RTN4: variants seen among roughly 807,000 people sequenced by gnomAD.
RTN4 encodes the protein reticulon-4.
Under a neutral mutation model 90.4 loss-of-function variants are expected in RTN4, and 32 were observed. That is an observed-to-expected ratio of 0.35 (90% CI 0.27 to 0.48). The LOEUF (loss-of-function observed/expected upper bound fraction) is 0.48, where lower values mean the gene tolerates loss of function less well. RTN4 is among the 20% of genes least tolerant of loss of function. RTN4 has a pLI of 0.99. For synonymous variants in RTN4, 629 were observed against 552.5 expected (o/e 1.14, Z -1.94); for missense variants, 1,706 against 1,430.2 (o/e 1.19, Z -3.11).
chr2:55,101,053 G>A (rs760671748), intron 1 of RTN4, among the ~76,000 whole-genome samples: 8 of 151,960 alleles, frequency 5.3e-5, no homozygotes, highest in Non-Finnish European at 1.2e-4. Context: ...ATTATAAAAT[G>A]TATTTTGAAA....
chr2:54,992,460 T>G (rs1005445198), intron 3 of RTN4, among the ~76,000 whole-genome samples: 1 of 152,162 alleles, frequency 6.6e-6, no homozygotes, highest in Non-Finnish European at 1.5e-5. Context: ...ATTAACAAGA[T>G]AGTTTAATCA....
chr2:55,124,391 A>G, the RTN4 span, among the ~76,000 whole-genome samples: 1 of 152,276 alleles, frequency 6.6e-6, no homozygotes, highest in Non-Finnish European at 1.5e-5. Context: ...CAGGCATGTA[A>G]GGCTAAATCA....
rs1251333715 is a variant in RTN4, at chr2:55,049,956, C to G, written c.345G>C (p.Ser115=). 3 of 1,362,560 alleles carry G rather than the reference C, an allele frequency of 2.2e-6. No homozygotes were observed. Among genetic ancestry groups the G allele is most frequent in the Non-Finnish European group, 2.8e-6 (3 of 1,065,050 alleles). The allele number at this position is 1,362,560 out of a possible 1,614,324, so 84.4% of individuals were successfully genotyped here. A position where few individuals can be genotyped will look rare whatever the true frequency, so the allele number is the denominator to read the frequency against. ...ACAGCGGGGATGGCGCGGGCACGGTCGACGACACCGGGCTCGGGTCCCAAG... is the reference window on the plus strand; with the variant it reads ...ACAGCGGGGATGGCGCGGGCACGGTGGACGACACCGGGCTCGGGTCCCAAG... The part of the protein sequence containing the change: ...QPSWDPSPVS[S]TVPAPSPLSA... Residue 115 remains serine, a synonymous_variant, in exon 1 of 9, where the codon TCG becomes TCC. Transcript: ENST00000337526.
chr2:55,021,771 A>T (rs1218182426), intron 3 of RTN4, among the ~76,000 whole-genome samples: 1 of 152,212 alleles, frequency 6.6e-6, no homozygotes, highest in African/African-American at 2.4e-5. Flanking sequence ...GGTATAGCCA[A>T]GACTAAAACC....
chr2:55,010,376 T>A lies in RTN4; in HGVS notation c.3013+14710A>T. On this transcript the variant is annotated intron_variant, in intron 3 of 8. Transcript: ENST00000337526. ...TAATGCTTTCCTTCTATCTGTTGAT[T>A]GTTTTAGGCATTTGCCTTGTTGCTC... 3 of 1,295,946 alleles carry A rather than the reference T, an allele frequency of 2.3e-6. No homozygotes were observed. The South Asian group carries it at 7.5e-5, about 32-fold the overall frequency. The allele number at this position is 1,295,946 out of a possible 1,614,324, so 80.3% of individuals were successfully genotyped here.
Position 55,025,418 on chromosome 2 carries a change from A to C in RTN4, c.2681T>G (p.Val894Gly), listed in dbSNP as rs1558819038. The change falls in exon 3 of 9, where the codon GTA (valine) becomes GGA (glycine). Residue 894 changes from valine to glycine, a missense_variant. By Grantham distance (109) the Val-to-Gly change is moderately radical. Coordinates refer to ENST00000337526, the MANE Select transcript of RTN4 (RefSeq NM_020532.5). ...KLAREYTDLEVSHKSEIANAP... is the reference protein window; with the variant it reads ...KLAREYTDLEGSHKSEIANAP... ...ATTAGCAATTTCACTTTTGTGGGAT[A>C]CTTCTAGGTCAGTATATTCCCTGGC... The C allele has an allele frequency of 7.4e-6, 12 of 1,613,930 alleles. No homozygotes were observed. The Middle Eastern group carries it at 8.3e-4, about 111-fold the overall frequency.
rs960119167 is a variant in RTN4 at position 55,039,382 on chromosome 2, G to A, written c.556+10363C>T. ...GGGAGAACTCATCGATAGATTAAAA[G>A]ACTAATAAATCAAATTGATCTATTG... On this transcript the variant is annotated intron_variant, in intron 1 of 8. Transcript: ENST00000337526. Among the ~76,000 whole-genome samples, 6 of 152,160 alleles carry A rather than the reference G, an allele frequency of 3.9e-5. No individual in the cohort carries two copies. In the East Asian group the frequency reaches 5.8e-4, roughly 15 times the overall value.
chr2:54,993,949 T>G (rs1232440992), intron 3 of RTN4, among the ~76,000 whole-genome samples: 3 of 152,234 alleles, frequency 2.0e-5, no homozygotes, highest in African/African-American at 4.8e-5. Context: ...TTAGTGAAGC[T>G]GCAAGAATGA....
chr2:55,084,319 T>C (rs1164079584), intron 1 of RTN4, among the ~76,000 whole-genome samples: 1 of 140,604 alleles, frequency 7.1e-6, no homozygotes, highest in Non-Finnish European at 1.6e-5. Context: ...TTTTTTTTTT[T>C]AAATAGAGGT....
At position 54,973,656 on chromosome 2, in the gene RTN4, C is replaced by G. The variant is rs200498783; in HGVS notation, c.3478-35G>C. 4.4e-5 allele frequency: 69 copies of G among 1,565,612 alleles called. No homozygotes were observed. The Middle Eastern group carries it at 1.5e-3, about 34-fold the overall frequency. On this transcript the variant is annotated intron_variant, in intron 7 of 8. Coordinates refer to ENST00000337526, the MANE Select transcript of RTN4 (RefSeq NM_020532.5). The stretch of plus-strand genomic sequence containing the variant: ...AGGTATAAAGGAATTATTACCGTTG[C>G]TAAAGAATCTTATTAACCACTACTA...
chr2:55,069,116 G>A (rs1573495856), intron 2 of RTN4, among the ~76,000 whole-genome samples: 1 of 152,216 alleles, frequency 6.6e-6, no homozygotes, highest in South Asian at 2.1e-4. Context: ...ACTTTCTGAA[G>A]AAATCTCAGG....
At chr2:55,056,650 A>T (rs911358869) in intron 2 of RTN4, 2 of 151,992 alleles carry the variant, frequency 1.3e-5, no homozygotes, top group East Asian at 3.9e-4. Flanking sequence ...AAAAAAAGTC[A>T]GGTAGAAGTG....
intron 3 of RTN4, among the ~76,000 whole-genome samples, chr2:55,013,417 G>C (rs540124520): frequency 2.6e-5 from 4 of 152,156 alleles, no homozygotes; most frequent in Admixed American, 2.0e-4. Context: ...CTTATGAAGG[G>C]ATAAGCTCTA....
intron 4 of RTN4, among the ~76,000 whole-genome samples, chr2:54,986,132 T>C (rs1285169577): frequency 6.6e-6 from 1 of 152,074 alleles, no homozygotes; most frequent in African/African-American, 2.4e-5. Flanking sequence ...AAGGGGTAAA[T>C]GAGAGACAAG....
intron 2 of RTN4, among the ~76,000 whole-genome samples, chr2:55,065,768 G>A (rs1165790589): frequency 6.6e-6 from 1 of 151,726 alleles, no homozygotes; most frequent in Non-Finnish European, 1.5e-5. Flanking sequence ...AAAAAAACAT[G>A]CAAAACTAAT....
In RTN4 at chr2:55,077,419, C is replaced by G. The variant is rs186854568; in HGVS notation, c.-63+3070G>C. 1.5e-3 allele frequency among the ~76,000 whole-genome samples: 223 copies of G among 152,170 alleles called. 3 individuals carry two copies. Among genetic ancestry groups the G allele is most frequent in the Non-Finnish European group, 3.1e-4 (21 of 68,004 alleles). On this transcript the variant is annotated intron_variant, in intron 2 of 3. Transcript: ENST00000427710. ...TGCAAATCAAAACCACAATGCAATACCACCTCACTCCTGCAAGAATGGCCA... is the reference window on the plus strand; with the variant it reads ...TGCAAATCAAAACCACAATGCAATAGCACCTCACTCCTGCAAGAATGGCCA...
intron 3 of RTN4, among the ~76,000 whole-genome samples, chr2:55,007,016 G>C (rs542599491): frequency 2.0e-5 from 3 of 151,966 alleles, no homozygotes; most frequent in Admixed American, 6.6e-5. Context: ...CTGAGCTTCC[G>C]AGATGTTCTA....
chr2:55,073,613 A>G (rs2972071), intron 2 of RTN4, among the ~76,000 whole-genome samples: 53,261 of 152,028 alleles, frequency 0.35, 10,731 homozygotes, highest in East Asian at 0.6. Flanking sequence ...TACTATGTCA[A>G]TGTGCAAATT....
chr2:55,106,269 C>A (rs1327103537), intron 1 of RTN4, among the ~76,000 whole-genome samples: 1 of 152,054 alleles, frequency 6.6e-6, no homozygotes, highest in Non-Finnish European at 1.5e-5. Flanking sequence ...GACAGCTCAC[C>A]CTACCCTGAA....
Sources: allele counts gnomAD v4.1 joint callset (sites outside exome capture counted in the v4.1 genomes callset), GRCh38; gene constraint gnomAD v4.1.1; transcripts MANE v1.5; gene names NCBI Gene and HGNC (gene_info 2026-07-23, HGNC 2026-07-21).